The following PSMG2 variants were observed in gnomAD, a reference collection of about 807,000 sequenced individuals.
PSMG2 encodes CD40 ligand-activated specific transcript 3.
In PSMG2, 21 loss-of-function variants were observed where a neutral mutation model predicts 31.5. That is an observed-to-expected ratio of 0.67 (90% CI 0.47 to 0.96). PSMG2 has a LOEUF of 0.96. PSMG2 is among the 40% of genes least tolerant of loss of function. PSMG2 has a pLI of 0.00. For synonymous variants in PSMG2, 120 were observed against 110.4 expected, an observed-to-expected ratio of 1.09 and a Z score of -0.54; for missense variants, 318 against 321.2, an observed-to-expected ratio of 0.99 and a Z score of 0.08.
At chr18:12,716,007 T>C (rs2040372722) in intron 3 of PSMG2, among the ~76,000 whole-genome samples, 1 of 152,214 alleles carries the variant, frequency 6.6e-6, no homozygotes, top group Non-Finnish European at 1.5e-5. Flanking sequence ...GGTATATACT[T>C]ACAGCATCTA....
At chr18:12,666,803 A>C (rs1209909265) in intron 1 of PSMG2, among the ~76,000 whole-genome samples, 1 of 152,090 alleles carries the variant, frequency 6.6e-6, no homozygotes, top group East Asian at 1.9e-4. Flanking sequence ...AACAACCTCT[A>C]CTTTATCACA....
intron 1 of PSMG2, chr18:12,697,133 G>T: frequency 1.0e-6 from 1 of 953,432 alleles, no homozygotes; most frequent in Non-Finnish European, 1.5e-6. Context: ...TTTCCCTCTT[G>T]GATTATAAAA....
upstream of PSMG2, among the ~76,000 whole-genome samples, chr18:12,701,804 T>C (rs930337075): frequency 6.6e-6 from 1 of 152,234 alleles, no homozygotes; most frequent in Admixed American, 6.5e-5. Context: ...CTGGTTCAAC[T>C]TCGCTGATAC....
intron 2 of PSMG2, among the ~76,000 whole-genome samples, chr18:12,709,760 A>G (rs1392149127): frequency 6.6e-6 from 1 of 151,856 alleles, no homozygotes; most frequent in Non-Finnish European, 1.5e-5. Flanking sequence ...TTGGCCTTCC[A>G]GAGTGCTGGG....
chr18:12,670,344 AAAG>A (rs71174123), intron 1 of PSMG2: 13,550 of 152,194 alleles, frequency 0.089, 835 homozygotes, highest in Non-Finnish European at 0.13. Flanking sequence ...AAAAAAGAAA[AAAG>A]AATAGCAGAC....
At chr18:12,725,363 G>A (rs2040466453) in intron 6 of PSMG2, 76 bp from the exon 7 acceptor site, 1 of 1,168,438 alleles carries the variant, frequency 8.6e-7, no homozygotes, top group Middle Eastern at 2.0e-4. Context: ...CACAAAAGGA[G>A]AGTTTTATAA....
At chr18:12,672,581 G>A in intron 1 of PSMG2, 1 of 847,656 alleles carries the variant, frequency 1.2e-6, no homozygotes, top group Non-Finnish European at 1.4e-6. Context: ...TCAGAAGATA[G>A]AATCCATGAA....
Position 12,706,219 on chromosome 18 carries a change from A to T in PSMG2, c.58-331A>T, listed in dbSNP as rs574538476. Among the ~76,000 whole-genome samples the T allele has an allele frequency of 3.6e-3, 553 of 152,372 alleles. 6 individuals are homozygous for T. Among genetic ancestry groups the T allele is most frequent in the Non-Finnish European group, 5.0e-3 (342 of 68,036 alleles). On this transcript the variant is annotated intron_variant, in intron 1 of 6. Coordinates refer to ENST00000317615, the MANE Select transcript of PSMG2 (RefSeq NM_020232.5). Reference sequence around the variant, plus strand: ...CGTGTTGGCTCACGCCTGTAATCCCAGCACTTTGGGAGGCTGAGGCGGGTG... The same window carrying T: ...CGTGTTGGCTCACGCCTGTAATCCCTGCACTTTGGGAGGCTGAGGCGGGTG...
chr18:12,720,486 A>C, intron 4 of PSMG2, 24 bp from the exon 5 acceptor site: 1 of 1,530,484 alleles, frequency 6.5e-7, no homozygotes, highest in South Asian at 1.3e-5. Flanking sequence ...GTTTTTAAAA[A>C]GTTAACTATA....
chr18:12,703,008 C>T (rs2040209498), upstream of PSMG2: 1 of 1,380,554 alleles, frequency 7.2e-7, no homozygotes, highest in Non-Finnish European at 9.8e-7. Flanking sequence ...AGGACCCTCC[C>T]GCGCCCCGCG....
chr18:12,712,272 T>G (rs2145140191), intron 2 of PSMG2, among the ~76,000 whole-genome samples: 1 of 152,328 alleles, frequency 6.6e-6, no homozygotes, highest in Admixed American at 6.5e-5. Context: ...GCTAACATTC[T>G]CCTACCTTTT....
At chr18:12,661,660 A>G (rs1197629962) in intron 1 of PSMG2, among the ~76,000 whole-genome samples, 5 of 151,986 alleles carry the variant, frequency 3.3e-5, no homozygotes, top group Non-Finnish European at 7.4e-5. Context: ...CTGTAATCCC[A>G]GCTACTCGGG....
intron 1 of PSMG2, among the ~76,000 whole-genome samples, chr18:12,681,770 T>C (rs752939737): frequency 6.6e-6 from 1 of 152,180 alleles, no homozygotes; most frequent in Non-Finnish European, 1.5e-5. Flanking sequence ...AATTTTCCAC[T>C]CTTTTTCCAG....
rs145851136 is a variant in PSMG2 at position 12,720,550 on chromosome 18, A to T, written c.448A>T (p.Ser150Cys). Residue 150 changes from serine to cysteine, a missense_variant, in exon 5 of 7, where the codon AGT (serine) becomes TGT (cysteine). Physicochemically the swap from Ser to Cys is moderately radical, Grantham distance 112. Coordinates refer to ENST00000317615, the MANE Select transcript of PSMG2 (RefSeq NM_020232.5). ...CCTACTTACACCTTCCATGCAAAAA[A>T]GTGTTCAAAATAAAATAAAGAGCCT... Reference protein sequence around the residue: ...RYLLTPSMQKSVQNKIKSLNW... With the variant: ...RYLLTPSMQKCVQNKIKSLNW... 16 of 1,611,878 alleles carry T rather than the reference A, an allele frequency of 9.9e-6. No homozygotes were observed. The African/African-American group carries it at 2.0e-4, about 20-fold the overall frequency.
chr18:12,718,297 A>G (rs1221685438), intron 3 of PSMG2, among the ~76,000 whole-genome samples: 1 of 152,046 alleles, frequency 6.6e-6, no homozygotes, highest in Admixed American at 6.6e-5. Context: ...GCCACCATGC[A>G]TGGCCATTGA....
intron 1 of PSMG2, among the ~76,000 whole-genome samples, chr18:12,688,076 C>T (rs1598641471): frequency 6.6e-6 from 1 of 151,404 alleles, no homozygotes; most frequent in African/African-American, 2.4e-5. Context: ...ACCCCATCTC[C>T]ACTAAAAATA....
rs765652085 is a variant in PSMG2, at chr18:12,683,186, C to CAAAAAAAAAA, written c.-36-23355_-36-23346dup. 4.7e-4 allele frequency among the ~76,000 whole-genome samples: 30 copies of CAAAAAAAAAA among 63,672 alleles called. 1 individual carries two copies. Among genetic ancestry groups the CAAAAAAAAAA allele is most frequent in the African/African-American group, 1.5e-3 (26 of 17,000 alleles). The allele number at this position is 63,672 out of a possible 152,430, so 41.8% of individuals were successfully genotyped here. On this transcript the variant is annotated intron_variant, in intron 1 of 6. Transcript: ENST00000585331. ...GAAACCCCATCTCTACTAAAAATAC[C>CAAAAAAAAAA]AAAAAAAAAAAAAAAAAAGCCAGGC...
At chr18:12,700,682 T>C (rs573540950), upstream of PSMG2, among the ~76,000 whole-genome samples, 5 of 152,286 alleles carry the variant, frequency 3.3e-5, no homozygotes, top group East Asian at 5.8e-4. Flanking sequence ...GACTAAAGTA[T>C]GTATATTCAA....
chr18:12,694,275 C>A (rs1250828677), intron 1 of PSMG2, among the ~76,000 whole-genome samples: 1 of 152,122 alleles, frequency 6.6e-6, no homozygotes, highest in Non-Finnish European at 1.5e-5. Context: ...GAGGGAGAAG[C>A]ACTAGCGTCT....
Sources: allele counts gnomAD v4.1 joint callset (sites outside exome capture counted in the v4.1 genomes callset), GRCh38; gene constraint gnomAD v4.1.1; transcripts MANE v1.5; gene names NCBI Gene and HGNC (gene_info 2026-07-23, HGNC 2026-07-21).